Variants in PDE4D observed in about 807,000 individuals in gnomAD.
The protein encoded by PDE4D is phosphodiesterase 4D, also known as 3',5'-cyclic-AMP phosphodiesterase 4D.
A neutral mutation model predicts 87.4 loss-of-function variants in PDE4D; 24 were observed. The observed-to-expected ratio is 0.27, with a 90% CI of 0.20 to 0.39. The LOEUF (loss-of-function observed/expected upper bound fraction) is 0.39, where lower values mean the gene tolerates loss of function less well. PDE4D is among the 10% of genes least tolerant of loss of function. The pLI is 1.00. For missense variants in PDE4D, 714 were observed against 1,041.0 expected (o/e 0.69, Z 4.32); for synonymous variants, 384 against 383.2 (o/e 1.00, Z -0.02).
intron 2 of PDE4D, among the ~76,000 whole-genome samples, chr5:60,044,397 G>C (rs899827586): frequency 9.9e-5 from 15 of 151,576 alleles, no homozygotes; most frequent in Non-Finnish European, 2.9e-5. Flanking sequence ...AAGTTTTAGG[G>C]TACATGTGCA....
intron 2 of PDE4D, among the ~76,000 whole-genome samples, chr5:60,058,751 T>C (rs1771060721): frequency 6.6e-6 from 1 of 151,948 alleles, no homozygotes; most frequent in Non-Finnish European, 1.5e-5. Flanking sequence ...GCCAATCTCT[T>C]GTTGCCCTAT....
intron 2 of PDE4D, among the ~76,000 whole-genome samples, chr5:60,017,601 T>G (rs1765647826): frequency 6.6e-6 from 1 of 152,200 alleles, no homozygotes; most frequent in Non-Finnish European, 1.5e-5. Context: ...TCCAGCTCCA[T>G]CCATGTCCCT....
chr5:60,278,648 ATTTTT>A (rs1185256783), intron 1 of PDE4D, among the ~76,000 whole-genome samples: 1 of 150,270 alleles, frequency 6.7e-6, no homozygotes, highest in South Asian at 2.1e-4. Context: ...CCATTTTATT[ATTTTT>A]TTATCTCCTG....
chr5:60,173,311 C>T (rs1173576183), intron 2 of PDE4D, among the ~76,000 whole-genome samples: 1 of 151,952 alleles, frequency 6.6e-6, no homozygotes, highest in Non-Finnish European at 1.5e-5. Flanking sequence ...ATATAACTGC[C>T]TTTCCTACCT....
intron 1 of PDE4D, among the ~76,000 whole-genome samples, chr5:59,362,889 G>A (rs191604186): frequency 2.5e-3 from 385 of 152,276 alleles, no homozygotes; most frequent in African/African-American, 8.7e-3. Flanking sequence ...TTTTGGTGCT[G>A]TGGATTTTTT....
Position 60,345,566 on chromosome 5 carries a change from C to A in PDE4D, c.-90+142376G>T, listed in dbSNP as rs1182233622. Among the ~76,000 whole-genome samples, 173 of 124,416 alleles carry A rather than the reference C, an allele frequency of 1.4e-3. 2 individuals are homozygous for A. The highest frequency in any genetic ancestry group is 3.2e-3 in the African/African-American group (117 of 36,440). The allele number at this position is 124,416 out of a possible 152,430, so 81.6% of individuals were successfully genotyped here. A position where few individuals can be genotyped will look rare whatever the true frequency, so the allele number is the denominator to read the frequency against. On this transcript the variant is annotated intron_variant, in intron 1 of 16. Transcript: ENST00000502484. ...CTAAATAAAAGAGCTCTTCCCTCTC[C>A]AAAAAAAAAAAAAAATTAACATTAT... is the stretch of plus-strand genomic sequence containing the variant.
chr5:59,774,821 A>C (rs1402180847), intron 1 of PDE4D, among the ~76,000 whole-genome samples: 1 of 151,480 alleles, frequency 6.6e-6, no homozygotes, highest in Non-Finnish European at 1.5e-5. Flanking sequence ...CTGAGTAGTG[A>C]GTAGCTGGGA....
intron 1 of PDE4D, among the ~76,000 whole-genome samples, chr5:59,765,228 C>A (rs1001048603): frequency 1.3e-5 from 2 of 152,186 alleles, no homozygotes; most frequent in East Asian, 3.9e-4. Context: ...GAGACTTCTA[C>A]TGTTTAGAAG....
At chr5:59,714,222 C>T (rs926381770) in intron 1 of PDE4D, among the ~76,000 whole-genome samples, 4 of 152,196 alleles carry the variant, frequency 2.6e-5, no homozygotes, top group Non-Finnish European at 2.9e-5. Flanking sequence ...AATCGATAAG[C>T]AGCCCAATGA....
At chr5:60,295,898 A>G (rs1753339353) in intron 1 of PDE4D, among the ~76,000 whole-genome samples, 1 of 152,190 alleles carries the variant, frequency 6.6e-6, no homozygotes, top group South Asian at 2.1e-4. Context: ...TGGCTTATAA[A>G]CAACAGTAAT....
At chr5:59,486,882 T>C (rs904575731) in intron 1 of PDE4D, among the ~76,000 whole-genome samples, 9 of 152,224 alleles carry the variant, frequency 5.9e-5, no homozygotes, top group African/African-American at 1.9e-4. Flanking sequence ...CATGCTTGTA[T>C]TATTGTGGGA....
At chr5:59,496,243 C>T (rs1479579503) in intron 1 of PDE4D, among the ~76,000 whole-genome samples, 3 of 152,136 alleles carry the variant, frequency 2.0e-5, no homozygotes, top group African/African-American at 7.2e-5. Flanking sequence ...TGTGCTCTTC[C>T]ACCAGCGTGC....
chr5:59,101,352 G>A (rs1474121501), intron 5 of PDE4D, among the ~76,000 whole-genome samples: 4 of 152,066 alleles, frequency 2.6e-5, no homozygotes, highest in Non-Finnish European at 4.4e-5. Context: ...TTTGGTCCAC[G>A]CTATCCTCAA....
chr5:60,106,637 A>T lies in PDE4D; in HGVS notation c.42+78920T>A, dbSNP rs554545320. On this transcript the variant is annotated intron_variant, in intron 2 of 16. Transcript: ENST00000502484. ...AGCTCTCCTCAGCAAATGTAAAAGA[A>T]CAGAAATTATAACAAACTGTCTCTC... 2.7e-3 allele frequency among the ~76,000 whole-genome samples: 416 copies of T among 152,036 alleles called. 3 individuals carry two copies. The highest frequency in any genetic ancestry group is 9.6e-3 in the African/African-American group (397 of 41,488).
At chr5:59,481,501 G>T (rs1289264384) in intron 1 of PDE4D, among the ~76,000 whole-genome samples, 1 of 152,012 alleles carries the variant, frequency 6.6e-6, no homozygotes, top group African/African-American at 2.4e-5. Flanking sequence ...AGTTGAATTA[G>T]ACCCATGGAA....
chr5:60,084,780 T>C lies in PDE4D; in HGVS notation c.43-96063A>G, dbSNP rs16890492. 5.8e-3 allele frequency among the ~76,000 whole-genome samples: 882 copies of C among 152,314 alleles called. 11 individuals are homozygous for C. The highest frequency in any genetic ancestry group is 0.02 in the African/African-American group (848 of 41,556). On this transcript the variant is annotated intron_variant, in intron 2 of 16. Coordinates refer to the PDE4D transcript ENST00000502484. ...CATGTATTATTACCAAAATATTACA[T>C]AGTTTCTGTCCTGGTGGATAAATAA...
intron 1 of PDE4D, among the ~76,000 whole-genome samples, chr5:59,504,234 GA>G (rs1410040804): frequency 6.6e-6 from 1 of 152,116 alleles, no homozygotes; most frequent in East Asian, 1.9e-4. Flanking sequence ...GTTTATTTAA[GA>G]AAGTTACATA....
chr5:59,109,623 C>CTGTA (rs1256339534), intron 5 of PDE4D, among the ~76,000 whole-genome samples: 11 of 152,164 alleles, frequency 7.2e-5, no homozygotes, highest in African/African-American at 2.7e-4. Context: ...CTGGTGCATG[C>CTGTA]TGTAGCCTAT....
chr5:59,505,833 G>A (rs534079205), intron 1 of PDE4D, among the ~76,000 whole-genome samples: 2 of 152,198 alleles, frequency 1.3e-5, no homozygotes, highest in African/African-American at 4.8e-5. Context: ...GGCAAGCTTA[G>A]GAAAGAAGCA....
Sources: gnomAD v4.1 joint callset for allele counts (sites outside exome capture counted in the v4.1 genomes callset) on GRCh38, gnomAD v4.1.1 for gene constraint, MANE v1.5 for transcripts, NCBI Gene and HGNC (gene_info 2026-07-23, HGNC 2026-07-21) for gene names.